Variants in COL25A1 observed in about 807,000 individuals in gnomAD.
COL25A1 encodes collagen type XXV alpha 1 chain.
Under a neutral mutation model 128.4 loss-of-function variants are expected in COL25A1, and 103 were observed. The ratio of observed to expected loss-of-function variants is 0.80; its 90% CI spans 0.68 to 0.94. The LOEUF is 0.94. Ranked by LOEUF, COL25A1 falls within the 40% of genes least tolerant of loss-of-function variation. The probability of loss-of-function intolerance (pLI) is 0.00; values close to 1 mark genes in which losing one functional copy is unlikely to be tolerated. For synonymous variants in COL25A1, 279 were observed against 277.2 expected (o/e 1.01, Z -0.06); for missense variants, 745 against 840.0 (o/e 0.89, Z 1.40).
chr4:108,811,489 C>G lies in COL25A1; in HGVS notation c.*2438G>C, dbSNP rs1262437416. 1 of 151,964 alleles carries G rather than the reference C, an allele frequency of 6.6e-6. No individual in the cohort carries two copies. The highest frequency in any genetic ancestry group is 2.4e-5 in the African/African-American group (1 of 41,402). The allele number at this position is 151,964 out of a possible 1,614,324, so 9.4% of individuals were successfully genotyped here. A position where few individuals can be genotyped will look rare whatever the true frequency, so the allele number is the denominator to read the frequency against. On this transcript the variant is annotated 3_prime_UTR_variant, in exon 38 of 38. Coordinates refer to ENST00000399132, the MANE Select transcript of COL25A1 (RefSeq NM_198721.4). ...TGAGGTATCGTCTCCTGAAGCTGTG[C>G]AAGTTTTAAATAGTGATCCATTTCA... is the stretch of plus-strand genomic sequence containing the variant.
chr4:109,106,206 C>T (rs3113709), intron 3 of COL25A1, among the ~76,000 whole-genome samples: 131,367 of 152,102 alleles, frequency 0.86, 56,882 homozygotes, highest in East Asian at 1. Context: ...CCCACAATTT[C>T]CTACAGTAGG....
In COL25A1 at chr4:109,162,357, C is replaced by T. The variant is rs150370026; in HGVS notation, c.368-112178G>A. Among the ~76,000 whole-genome samples, 153 of 152,220 alleles carry T rather than the reference C, an allele frequency of 1.0e-3. 2 individuals are homozygous for T. In the South Asian group the frequency reaches 0.024, roughly 24 times the overall value. On this transcript the variant is annotated intron_variant, in intron 3 of 37. Transcript: ENST00000399132. ...AGCAGGCAGATCATACTGGAGAGTG[C>T]TCAGAAATTAATTTGTTAAGGTCAG...
intron 6 of COL25A1, among the ~76,000 whole-genome samples, chr4:108,983,422 T>C (rs1308208759): frequency 1.3e-5 from 2 of 152,234 alleles, no homozygotes; most frequent in South Asian, 2.1e-4. Context: ...GTTTAATCTA[T>C]AATTATCGAT....
At chr4:109,174,321 C>T (rs898621505) in intron 3 of COL25A1, among the ~76,000 whole-genome samples, 1 of 151,926 alleles carries the variant, frequency 6.6e-6, no homozygotes, top group African/African-American at 2.4e-5. Flanking sequence ...AACTGAAGCT[C>T]CCCCTCCCCA....
chr4:108,980,152 G>A (rs987647220), intron 6 of COL25A1, among the ~76,000 whole-genome samples: 25 of 152,332 alleles, frequency 1.6e-4, no homozygotes, highest in Admixed American at 6.5e-4. Flanking sequence ...ATGTAACAAG[G>A]AGTGCGGAGA....
intron 3 of COL25A1, among the ~76,000 whole-genome samples, chr4:109,256,267 TA>T (rs1410303332): frequency 2.0e-5 from 3 of 152,262 alleles, no homozygotes; most frequent in Non-Finnish European, 4.4e-5. Context: ...TCAGAAAATG[TA>T]TGGACAGTTA....
At chr4:108,967,036 G>A (rs1751390280) in intron 8 of COL25A1, among the ~76,000 whole-genome samples, 1 of 152,130 alleles carries the variant, frequency 6.6e-6, no homozygotes, top group Non-Finnish European at 1.5e-5. Context: ...GGATAAATGA[G>A]AGAATACATG....
chr4:109,052,838 ATGTTAACAAT>A (rs1265147118), intron 3 of COL25A1, among the ~76,000 whole-genome samples: 1 of 152,176 alleles, frequency 6.6e-6, no homozygotes, highest in African/African-American at 2.4e-5. Context: ...GACAAAACTG[ATGTTAACAAT>A]TGTCACAAAA....
At chr4:108,967,942 C>G (rs567381494) in intron 8 of COL25A1, among the ~76,000 whole-genome samples, 1 of 152,066 alleles carries the variant, frequency 6.6e-6, no homozygotes, top group Non-Finnish European at 1.5e-5. Flanking sequence ...TATCTCTTTA[C>G]GCCCGGATAC....
At chr4:108,981,406 T>G (rs185288648) in intron 6 of COL25A1, among the ~76,000 whole-genome samples, 1 of 152,326 alleles carries the variant, frequency 6.6e-6, no homozygotes, top group East Asian at 1.9e-4. Flanking sequence ...GAACTACAAA[T>G]GTGAAAATTT....
intron 33 of COL25A1, among the ~76,000 whole-genome samples, chr4:108,826,589 C>T (rs7678277): frequency 0.012 from 1,789 of 152,274 alleles, 31 homozygotes; most frequent in African/African-American, 0.041. Context: ...AGAGCACTAT[C>T]AGTGTTCTAT....
intron 6 of COL25A1, among the ~76,000 whole-genome samples, chr4:108,979,521 A>G (rs1020531444): frequency 6.6e-6 from 1 of 152,226 alleles, no homozygotes; most frequent in Admixed American, 6.5e-5. Context: ...TAGTTTTTAA[A>G]AGATGACAAT....
intron 3 of COL25A1, among the ~76,000 whole-genome samples, chr4:109,120,010 AG>A (rs1461971127): frequency 6.6e-6 from 1 of 152,128 alleles, no homozygotes; most frequent in Admixed American, 6.6e-5. Flanking sequence ...AATCCATCAC[AG>A]CACAAGGCTA....
intron 8 of COL25A1, among the ~76,000 whole-genome samples, chr4:108,948,461 C>T (rs1749030259): frequency 6.6e-6 from 1 of 152,034 alleles, no homozygotes; most frequent in Admixed American, 6.5e-5. Flanking sequence ...CAAAAAGTTA[C>T]TATTTTTCTT....
In COL25A1 at chr4:108,825,222, C is replaced by G; in HGVS notation, c.1765G>C (p.Gly589Arg). The G allele has an allele frequency of 6.2e-7, 1 of 1,611,022 alleles. No homozygotes were observed. Among genetic ancestry groups the G allele is most frequent in the Middle Eastern group, 1.7e-4 (1 of 6,048 alleles). Residue 589 changes from glycine to arginine, a missense_variant and splice_region_variant, in exon 34 of 38, where the codon GGG becomes CGG. By Grantham distance (125) the Gly-to-Arg change is moderately radical (BLOSUM62 -2). This residue lies in a region of COL25A1 where 387 missense variants were observed against 441.9 expected (regional missense o/e 0.88). Coordinates refer to ENST00000399132, the MANE Select transcript of COL25A1 (RefSeq NM_198721.4). The part of the protein sequence containing the change: ...PGPRGPYGLP[G>R]KDGEPGLDGF... ...TCAAGACCAGGCTCTCCATCTTTCC[C>G]CTGCCAAAGAACCATAGTAGCTACA...
intron 3 of COL25A1, among the ~76,000 whole-genome samples, chr4:109,286,598 G>A (rs1157937477): frequency 6.6e-6 from 1 of 152,022 alleles, no homozygotes; most frequent in African/African-American, 2.4e-5. Flanking sequence ...GCTTCCTCTG[G>A]GACATTTGGC....
At chr4:109,023,017 G>A (rs1757915710) in intron 5 of COL25A1, among the ~76,000 whole-genome samples, 2 of 152,120 alleles carry the variant, frequency 1.3e-5, no homozygotes, top group Non-Finnish European at 2.9e-5. Context: ...TAACGAAAAA[G>A]CCTGGATATC....
chr4:108,954,449 C>A (rs1180602638), intron 8 of COL25A1, among the ~76,000 whole-genome samples: 3 of 151,904 alleles, frequency 2.0e-5, no homozygotes, highest in Non-Finnish European at 4.4e-5. Flanking sequence ...GAAATAACTA[C>A]ACTGATAATA....
chr4:109,246,119 A>G (rs2126236876), intron 3 of COL25A1, among the ~76,000 whole-genome samples: 1 of 152,282 alleles, frequency 6.6e-6, no homozygotes, highest in South Asian at 2.1e-4. Context: ...CTTAAGCATG[A>G]AAATAGATAC....
Sources: gnomAD v4.1 joint callset for allele counts (sites outside exome capture counted in the v4.1 genomes callset) on GRCh38, gnomAD v4.1.1 for gene constraint, gnomAD v4.1.1 regional missense constraint, MANE v1.5 for transcripts, NCBI Gene and HGNC (gene_info 2026-07-23, HGNC 2026-07-21) for gene names.